KIF20B: variants seen among roughly 807,000 people sequenced by gnomAD.
KIF20B encodes kinesin family member 20B.
A neutral mutation model predicts 232.5 loss-of-function variants in KIF20B; 188 were observed. That is an observed-to-expected ratio of 0.81 (90% CI 0.72 to 0.91). The LOEUF (loss-of-function observed/expected upper bound fraction) is 0.91, where lower values mean the gene tolerates loss of function less well. Among genes scored for constraint, KIF20B ranks in the 40% least tolerant of loss-of-function variants. The pLI is 0.00. For missense variants in KIF20B, 2,154 were observed against 2,055.9 expected, an observed-to-expected ratio of 1.05 and a Z score of -0.92; for synonymous variants, 712 against 683.0, an observed-to-expected ratio of 1.04 and a Z score of -0.66.
chr10:89,762,211 A>G (rs766467118), intron 28 of KIF20B, among the ~76,000 whole-genome samples: 3 of 152,180 alleles, frequency 2.0e-5, no homozygotes, highest in Non-Finnish European at 4.4e-5. Flanking sequence ...TATTGGCTAT[A>G]AGGCCCAAAT....
At chr10:89,745,794 G>C (rs1454906548) in intron 22 of KIF20B, 105 bp from the exon 23 acceptor site, 16 of 721,684 alleles carry the variant, frequency 2.2e-5, no homozygotes, top group Non-Finnish European at 3.6e-5. Flanking sequence ...AGCTATATAG[G>C]AGACTGATTT....
Position 89,726,433 on chromosome 10 carries a change from A to G in KIF20B, c.2142A>G (p.Glu714=). Residue 714 remains glutamate (E), a synonymous_variant, in exon 16 of 33, where the codon GAA becomes GAG. Coordinates refer to ENST00000371728, the MANE Select transcript of KIF20B (RefSeq NM_001284259.2). ...PDPQEATACL[E]LKFNQIKAEL... ...CCCAGGAAGCTACTGCTTGTTTAGA[A>G]CTAAAGTTTAATCAAATTAAAGCTG... The G allele has an allele frequency of 6.2e-7, 1 of 1,604,372 alleles. No homozygotes were observed. The highest frequency in any genetic ancestry group is 8.5e-7 in the Non-Finnish European group (1 of 1,174,474).
Position 89,768,383 on chromosome 10 carries a change from G to T in KIF20B, c.5083G>T (p.Glu1695Ter). The T allele has an allele frequency of 6.4e-7, 1 of 1,555,264 alleles. No homozygotes were observed. The highest frequency in any genetic ancestry group is 1.2e-5 in the South Asian group (1 of 85,860). ...TGATAGAAATTCTTCTGTCAAAAAG[G>T]AACAAAAGGTGTGTCTTTTAATTTG... ...SDDRNSSVKK[E>*]QKVAIRPSSK... is the part of the protein sequence containing the mutation. The change falls in exon 30 of 33, where the codon GAA (glutamate) becomes TAA (stop). Residue 1695 changes from glutamate (E) to a stop codon, truncating the protein, a stop_gained. Coordinates refer to ENST00000371728, the MANE Select transcript of KIF20B (RefSeq NM_001284259.2). LOFTEE classifies it high-confidence loss of function.
chr10:89,723,842 T>C, intron 13 of KIF20B, 122 bp from the exon 14 acceptor site: 3 of 853,902 alleles, frequency 3.5e-6, no homozygotes, highest in Non-Finnish European at 4.8e-6. Context: ...ATTATCACTA[T>C]TAAAAAGGAC....
At chr10:89,742,104 A>AT (rs1841808942) in intron 21 of KIF20B, among the ~76,000 whole-genome samples, 1 of 152,296 alleles carries the variant, frequency 6.6e-6, no homozygotes, top group East Asian at 1.9e-4. Flanking sequence ...GTAAGAACAA[A>AT]TCTTCCATCT....
chr10:89,701,714 G>C (rs1842612558), intron 1 of KIF20B, 34 bp downstream of exon 1: 1 of 152,518 alleles, frequency 6.6e-6, no homozygotes, highest in Non-Finnish European at 1.5e-5. Context: ...GTGTGGGGAA[G>C]GAGGTGGGTG....
At chr10:89,709,786 A>G in intron 4 of KIF20B, 141 bp from the exon 5 acceptor site, 1 of 546,750 alleles carries the variant, frequency 1.8e-6, no homozygotes. Flanking sequence ...AAAACTATCA[A>G]ATGTATTTGT....
intron 23 of KIF20B, among the ~76,000 whole-genome samples, chr10:89,748,569 A>G (rs898172509): frequency 1.3e-5 from 2 of 152,112 alleles, no homozygotes; most frequent in African/African-American, 4.8e-5. Flanking sequence ...TGGATGGGTA[A>G]CTTGGATGTG....
chr10:89,732,294 T>C (rs1389293007), intron 18 of KIF20B, among the ~76,000 whole-genome samples: 1 of 152,064 alleles, frequency 6.6e-6, no homozygotes, highest in Non-Finnish European at 1.5e-5. Flanking sequence ...ACCTGGAATT[T>C]TAATTTTTTG....
chr10:89,716,477 A>T lies in KIF20B; in HGVS notation c.982A>T (p.Arg328Ter). 6.3e-7 allele frequency: 1 copy of T among 1,585,734 alleles called. No homozygotes were observed. Among genetic ancestry groups the T allele is most frequent in the Non-Finnish European group, 8.6e-7 (1 of 1,162,190 alleles). Residue 328 changes from arginine (R) to a stop codon, truncating the protein, a stop_gained, in exon 9 of 33, where the codon AGA becomes TGA. Transcript: ENST00000371728. LOFTEE classifies it high-confidence loss of function. ...IQVSDSKEAYRLLKLGIKHQS... is the reference protein window; with the variant it reads ...IQVSDSKEAY The stretch of plus-strand genomic sequence containing the variant: ...AGTATCTGATTCCAAAGAAGCCTAT[A>T]GACTTTTAAAACTAGGAATAAAGCA...
Position 89,714,426 on chromosome 10 carries a change from C to T in KIF20B, c.712+343C>T, listed in dbSNP as rs918598723. ...TCAGGAGGTGGAGGTTGCAGTGAGCCGAGATCGCGCCACTGCACTCCAGCC... is the reference window on the plus strand; with the variant it reads ...TCAGGAGGTGGAGGTTGCAGTGAGCTGAGATCGCGCCACTGCACTCCAGCC... On this transcript the variant is annotated intron_variant, in intron 7 of 32. Transcript: ENST00000371728. 5.3e-5 allele frequency among the ~76,000 whole-genome samples: 8 copies of T among 151,996 alleles called. No individual in the cohort carries two copies. In the East Asian group the frequency reaches 7.7e-4, roughly 15 times the overall value.
intron 29 of KIF20B, among the ~76,000 whole-genome samples, chr10:89,764,266 T>C (rs1297512475): frequency 6.6e-6 from 1 of 151,928 alleles, no homozygotes; most frequent in Non-Finnish European, 1.5e-5. Flanking sequence ...ATGGTGTATA[T>C]GTGCCACATT....
At chr10:89,727,634 A>G (rs1843218742) in intron 16 of KIF20B, among the ~76,000 whole-genome samples, 1 of 151,764 alleles carries the variant, frequency 6.6e-6, no homozygotes, top group South Asian at 2.1e-4. Context: ...ACCTATTTTT[A>G]TCCTGAGTTT....
rs1490548528 is a variant in KIF20B, at chr10:89,762,059, CCT to C, written c.4792-575_4792-574del. 5.3e-5 allele frequency among the ~76,000 whole-genome samples: 8 copies of C among 152,132 alleles called. No individual in the cohort carries two copies. The South Asian group carries it at 6.2e-4, about 12-fold the overall frequency. ...TTGTGGTCTCTCCCTGTGGATTGGA[CCT>C]CTCATGGCATGGTAGCTGGTCTGAG... On this transcript the variant is annotated intron_variant, in intron 28 of 32. Coordinates refer to ENST00000371728, the MANE Select transcript of KIF20B (RefSeq NM_001284259.2).
intron 21 of KIF20B, among the ~76,000 whole-genome samples, chr10:89,742,626 A>G (rs1018074521): frequency 1.3e-5 from 2 of 152,126 alleles, no homozygotes; most frequent in African/African-American, 4.8e-5. Flanking sequence ...ATTGGAACAT[A>G]AAGCTTAAAA....
chr10:89,754,721 G>A, intron 26 of KIF20B, 48 bp downstream of exon 26: 7 of 1,346,292 alleles, frequency 5.2e-6, no homozygotes, highest in Non-Finnish European at 6.9e-6. Flanking sequence ...TTTCCTTGGT[G>A]TGTTAAATGT....
intron 7 of KIF20B, among the ~76,000 whole-genome samples, 191 bp from the exon 8 acceptor site, chr10:89,714,764 A>G (rs150359978): frequency 6.6e-4 from 101 of 152,338 alleles, no homozygotes; most frequent in African/African-American, 2.3e-3. Flanking sequence ...AGGAATTATA[A>G]GAAGTTGTCT....
chr10:89,764,101 G>A (rs1842302670), intron 29 of KIF20B, among the ~76,000 whole-genome samples: 1 of 129,808 alleles, frequency 7.7e-6, no homozygotes, highest in African/African-American at 3.0e-5. Flanking sequence ...CTGTGTCCAT[G>A]TGTTCCCATT....
chr10:89,766,395 A>C (rs1280799238), intron 29 of KIF20B: 2 of 152,692 alleles, frequency 1.3e-5, no homozygotes, highest in African/African-American at 4.8e-5. Flanking sequence ...TACAGGAGGA[A>C]ATTCAAACCA....
Sources: gnomAD v4.1 joint callset for allele counts (sites outside exome capture counted in the v4.1 genomes callset) on GRCh38, gnomAD v4.1.1 for gene constraint, MANE v1.5 for transcripts, NCBI Gene and HGNC (gene_info 2026-07-23, HGNC 2026-07-21) for gene names.